Variants in GPD2 observed in about 807,000 individuals in gnomAD.
GPD2 encodes glycerol-3-phosphate dehydrogenase, mitochondrial.
A neutral mutation model predicts 82.4 loss-of-function variants in GPD2; 54 were observed. The ratio of observed to expected loss-of-function variants is 0.66; its 90% CI spans 0.53 to 0.82. The LOEUF (loss-of-function observed/expected upper bound fraction) is 0.82, where lower values mean the gene tolerates loss of function less well. GPD2 is among the 40% of genes least tolerant of loss of function. GPD2 has a pLI of 0.00. For missense variants in GPD2, 748 were observed against 896.2 expected (o/e 0.83, Z 2.11); for synonymous variants, 288 against 306.1 (o/e 0.94, Z 0.62).
At chr2:156,576,479 A>C (rs1168723175) in intron 13 of GPD2, among the ~76,000 whole-genome samples, 1 of 150,512 alleles carries the variant, frequency 6.6e-6, no homozygotes, top group Admixed American at 6.6e-5. Context: ...AAAAAAAAAA[A>C]ACATTAGGTT....
At chr2:156,469,202 C>T (rs536843539) in intron 1 of GPD2, among the ~76,000 whole-genome samples, 50 of 152,196 alleles carry the variant, frequency 3.3e-4, no homozygotes, top group Non-Finnish European at 5.9e-4. Flanking sequence ...CTCTGTCGCC[C>T]AGGCTGGAGT....
intron 2 of GPD2, among the ~76,000 whole-genome samples, chr2:156,479,090 C>G (rs1420181204): frequency 6.6e-6 from 1 of 152,202 alleles, no homozygotes; most frequent in Non-Finnish European, 1.5e-5. Context: ...AAAGTTGGTA[C>G]ATTGTTAAAA....
chr2:156,519,756 A>G (rs1294333824), intron 6 of GPD2, among the ~76,000 whole-genome samples: 1 of 152,192 alleles, frequency 6.6e-6, no homozygotes, highest in East Asian at 1.9e-4. Flanking sequence ...CGGGTGCTCA[A>G]ACCCCTTGTG....
chr2:156,579,287 C>A, intron 15 of GPD2, 123 bp downstream of exon 15: 2 of 650,060 alleles, frequency 3.1e-6, no homozygotes, highest in South Asian at 1.8e-5. Flanking sequence ...GATTTAGTAA[C>A]ATTAGTGAAA....
At chr2:156,466,974 T>G (rs568785506) in intron 1 of GPD2, among the ~76,000 whole-genome samples, 1 of 152,306 alleles carries the variant, frequency 6.6e-6, no homozygotes, top group South Asian at 2.1e-4. Context: ...CACTGTTGGT[T>G]TGCTTCTAAA....
At chr2:156,438,048 A>G (rs1682013982) in intron 1 of GPD2, among the ~76,000 whole-genome samples, 2 of 152,126 alleles carry the variant, frequency 1.3e-5, no homozygotes, top group South Asian at 4.1e-4. Context: ...CAAAACTCTA[A>G]TGCCTGGAGT....
Position 156,503,370 on chromosome 2 carries a change from T to G in GPD2, c.274+7155T>G, listed in dbSNP as rs1397738050. Among the ~76,000 whole-genome samples, 4 of 152,216 alleles carry G rather than the reference T, an allele frequency of 2.6e-5. No individual in the cohort carries two copies. In the East Asian group the frequency reaches 5.8e-4, roughly 22 times the overall value. Reference sequence around the variant, plus strand: ...AGCTTTTGGTCTAAACATTCTGCTCTGAGTTTCTGTTACATTTCAAGTCCA... The same window carrying G: ...AGCTTTTGGTCTAAACATTCTGCTCGGAGTTTCTGTTACATTTCAAGTCCA... On this transcript the variant is annotated intron_variant, in intron 3 of 16. Coordinates refer to ENST00000438166, the MANE Select transcript of GPD2 (RefSeq NM_000408.5).
chr2:156,528,314 C>T (rs1420673042), intron 6 of GPD2, among the ~76,000 whole-genome samples: 1 of 151,866 alleles, frequency 6.6e-6, no homozygotes, highest in Non-Finnish European at 1.5e-5. Context: ...TTCTTTTTCT[C>T]ATCACAGATT....
chr2:156,449,673 C>T (rs1401534451), intron 1 of GPD2, among the ~76,000 whole-genome samples: 2 of 151,904 alleles, frequency 1.3e-5, no homozygotes. Context: ...TTTGGTTGCC[C>T]AACCAAGAAC....
chr2:156,535,201 A>G (rs1238311317), intron 6 of GPD2, among the ~76,000 whole-genome samples: 3 of 151,958 alleles, frequency 2.0e-5, no homozygotes, highest in African/African-American at 7.3e-5. Flanking sequence ...ACAGGTACTC[A>G]GGGTGCAGAA....
chr2:156,543,508 A>G (rs1285467934), intron 6 of GPD2, among the ~76,000 whole-genome samples: 4 of 152,240 alleles, frequency 2.6e-5, no homozygotes, highest in African/African-American at 9.6e-5. Flanking sequence ...ATTACAAGTG[A>G]TCAATAAATG....
intron 2 of GPD2, among the ~76,000 whole-genome samples, chr2:156,492,679 G>C (rs1184972473): frequency 6.6e-6 from 1 of 152,076 alleles, no homozygotes; most frequent in Non-Finnish European, 1.5e-5. Context: ...GTATAGGGGA[G>C]AGGGAAGATA....
In GPD2 at chr2:156,444,472, G is replaced by A. The variant is rs1682285289; in HGVS notation, c.-9+7959G>A. Among the ~76,000 whole-genome samples, 3 of 152,244 alleles carry A rather than the reference G, an allele frequency of 2.0e-5. No homozygotes were observed. In the South Asian group the frequency reaches 6.2e-4, roughly 32 times the overall value. On this transcript the variant is annotated intron_variant, in intron 1 of 16. Coordinates refer to ENST00000438166, the MANE Select transcript of GPD2 (RefSeq NM_000408.5). ...TCATGCCTGTAATCCCAGCACTTTG[G>A]GAGGCCGAGGCAGGTGGATTGCTTG... is the stretch of plus-strand genomic sequence containing the variant.
chr2:156,576,477 AAAAC>A (rs927162038), intron 13 of GPD2, among the ~76,000 whole-genome samples: 4 of 152,074 alleles, frequency 2.6e-5, no homozygotes, highest in Admixed American at 2.0e-4. Flanking sequence ...AAAAAAAAAA[AAAAC>A]ATTAGGTTTG....
Position 156,553,595 on chromosome 2 carries a change from C to G in GPD2, c.971+2849C>G, listed in dbSNP as rs200977291. 3.9e-5 allele frequency among the ~76,000 whole-genome samples: 6 copies of G among 152,062 alleles called. No individual in the cohort carries two copies. In the East Asian group the frequency reaches 1.2e-3, roughly 29 times the overall value. ...AAATTGAAAGCCTGACTCTTATTCC[C>G]CCTACCTTTTGTTCCCTCCCCCAGT... On this transcript the variant is annotated intron_variant, in intron 8 of 16. Coordinates refer to ENST00000438166, the MANE Select transcript of GPD2 (RefSeq NM_000408.5).
intron 3 of GPD2, among the ~76,000 whole-genome samples, chr2:156,502,748 T>A (rs1684632029): frequency 6.6e-6 from 1 of 150,864 alleles, no homozygotes; most frequent in Non-Finnish European, 1.5e-5. Flanking sequence ...TCTAAATCCT[T>A]TTGTTATGTT....
At chr2:156,531,950 G>A (rs182912473) in intron 6 of GPD2, among the ~76,000 whole-genome samples, 104 of 152,084 alleles carry the variant, frequency 6.8e-4, no homozygotes, top group African/African-American at 2.4e-3. Context: ...AAAGATAGGG[G>A]TTATAGATTT....
At chr2:156,473,351 A>C (rs1439235820) in intron 1 of GPD2, among the ~76,000 whole-genome samples, 1 of 152,214 alleles carries the variant, frequency 6.6e-6, no homozygotes, top group Non-Finnish European at 1.5e-5. Flanking sequence ...TGACAAATCA[A>C]ATTAAAACAA....
chr2:156,569,191 C>A (rs575854479), intron 10 of GPD2, among the ~76,000 whole-genome samples, 172 bp from the exon 11 acceptor site: 2 of 152,008 alleles, frequency 1.3e-5, no homozygotes, highest in South Asian at 4.2e-4. Flanking sequence ...CTGCCAGAAT[C>A]TCTTTTAACT....
Sources: gnomAD v4.1 joint callset for allele counts (sites outside exome capture counted in the v4.1 genomes callset) on GRCh38, gnomAD v4.1.1 for gene constraint, MANE v1.5 for transcripts, NCBI Gene and HGNC (gene_info 2026-07-23, HGNC 2026-07-21) for gene names.